The following CNTN6 variants were observed in gnomAD, a reference collection of about 807,000 sequenced individuals.
The protein encoded by CNTN6 is contactin-6.
A neutral mutation model predicts 122.8 loss-of-function variants in CNTN6; 137 were observed. That is an observed-to-expected ratio of 1.12 (90% CI 0.97 to 1.29). The LOEUF is 1.29. CNTN6 is among the 50% of genes most tolerant of loss of function. CNTN6 has a pLI of 0.00. For synonymous variants in CNTN6, 570 were observed against 426.0 expected (o/e 1.34, Z -4.16); for missense variants, 1,634 against 1,223.4 (o/e 1.34, Z -5.01).
chr3:1,343,617 T>G (rs969135218), intron 11 of CNTN6, among the ~76,000 whole-genome samples: 20 of 152,160 alleles, frequency 1.3e-4, no homozygotes, highest in Admixed American at 7.9e-4. Flanking sequence ...GCATATTTAT[T>G]AAGTACCTGC....
intron 2 of CNTN6, among the ~76,000 whole-genome samples, chr3:1,159,961 C>A (rs2093085427): frequency 6.6e-6 from 1 of 151,940 alleles, no homozygotes; most frequent in South Asian, 2.1e-4. Flanking sequence ...GATGGGATTA[C>A]AGGCATGCGC....
chr3:1,321,985 A>G (rs1435527117), intron 8 of CNTN6, 151 bp downstream of exon 8: 1 of 628,694 alleles, frequency 1.6e-6, no homozygotes, highest in African/African-American at 1.9e-5. Flanking sequence ...AATGATTAGC[A>G]GATGGGAATG....
intron 17 of CNTN6, 122 bp from the exon 18 acceptor site, chr3:1,382,820 T>A: frequency 1.4e-6 from 1 of 694,882 alleles, no homozygotes; most frequent in Non-Finnish European, 2.4e-6. Flanking sequence ...TAATACATCA[T>A]TAAACAGAAT....
chr3:1,155,503 CTA>C (rs2092942798), intron 2 of CNTN6, among the ~76,000 whole-genome samples: 1 of 151,812 alleles, frequency 6.6e-6, no homozygotes, highest in East Asian at 1.9e-4. Flanking sequence ...TTTTTAAAAA[CTA>C]TGCTGTATAC....
At chr3:1,179,758 T>G (rs77546110) in intron 2 of CNTN6, among the ~76,000 whole-genome samples, 2,154 of 152,240 alleles carry the variant, frequency 0.014, 20 homozygotes, top group Non-Finnish European at 0.019. Context: ...AGTCATTTTT[T>G]TGTGTGTGCA....
At chr3:1,398,547 C>G (rs1204687083) in intron 20 of CNTN6, among the ~76,000 whole-genome samples, 2 of 152,048 alleles carry the variant, frequency 1.3e-5, no homozygotes, top group Non-Finnish European at 2.9e-5. Context: ...AGCAACAAAC[C>G]ACTTCGAACA....
intron 1 of CNTN6, among the ~76,000 whole-genome samples, chr3:1,115,267 T>C (rs973933979): frequency 2.6e-5 from 4 of 152,116 alleles, no homozygotes; most frequent in Admixed American, 1.3e-4. Context: ...CAAGCCACAA[T>C]GATGAGCACA....
chr3:1,248,584 C>A (rs1243509939), intron 4 of CNTN6, among the ~76,000 whole-genome samples: 1 of 151,996 alleles, frequency 6.6e-6, no homozygotes, highest in African/African-American at 2.4e-5. Context: ...CTTTAGGAGG[C>A]CAAGGTGGGT....
At chr3:1,403,218 TAGAAG>T (rs999776995) in intron 22 of CNTN6, 95 bp from the exon 23 acceptor site, 34 of 670,652 alleles carry the variant, frequency 5.1e-5, no homozygotes, top group African/African-American at 2.0e-4. Flanking sequence ...AATATGTTAC[TAGAAG>T]AGAAATGATA....
chr3:1,127,817 T>C lies in CNTN6; in HGVS notation c.-82-20110T>C, dbSNP rs539708712. ...GCCTTTCATTCGGCCAAAGCAACAA[T>C]TGATGTGGTATTTTCTAATATCTGA... On this transcript the variant is annotated intron_variant, in intron 1 of 22. Transcript: ENST00000446702. Among the ~76,000 whole-genome samples the C allele has an allele frequency of 4.6e-5, 7 of 152,040 alleles. No individual in the cohort carries two copies. The South Asian group carries it at 1.4e-3, about 31-fold the overall frequency.
At chr3:1,186,845 A>C (rs1402295324) in intron 2 of CNTN6, among the ~76,000 whole-genome samples, 2 of 149,256 alleles carry the variant, frequency 1.3e-5, no homozygotes, top group Non-Finnish European at 3.0e-5. Context: ...GGTTAAAAGA[A>C]AAAAAAAAAG....
At chr3:1,132,992 A>G (rs534019135) in intron 1 of CNTN6, among the ~76,000 whole-genome samples, 1 of 152,300 alleles carries the variant, frequency 6.6e-6, no homozygotes, top group East Asian at 1.9e-4. Flanking sequence ...ACTCATAAGT[A>G]GCAACCAATC....
chr3:1,395,877 G>A (rs1431102901), intron 20 of CNTN6, among the ~76,000 whole-genome samples: 3 of 152,102 alleles, frequency 2.0e-5, no homozygotes, highest in Non-Finnish European at 1.5e-5. Context: ...CTAGATAGGA[G>A]GACACAAATG....
chr3:1,279,395 G>A (rs1423223941), intron 5 of CNTN6, among the ~76,000 whole-genome samples: 3 of 152,166 alleles, frequency 2.0e-5, no homozygotes, highest in Non-Finnish European at 4.4e-5. Context: ...ATTATAGAAA[G>A]CTTAATAACA....
chr3:1,383,394 G>T lies in CNTN6; in HGVS notation c.2503G>T (p.Val835Leu), dbSNP rs767651640. ...TGCCTGGAATAGAAACACTGGAAGA[G>T]TGCTGGGCTATGAGGTAATCCACAT... is the stretch of plus-strand genomic sequence containing the variant. Reference protein sequence around the residue: ...AIAWNRNTGRVLGYEVLYWTD... With the variant: ...AIAWNRNTGRLLGYEVLYWTD... The change falls in exon 19 of 23, where the codon GTG (valine) becomes TTG (leucine). Residue 835 changes from valine to leucine, a missense_variant. Val to Leu is a conservative substitution (Grantham distance 32). Transcript: ENST00000446702. The T allele has an allele frequency of 5.6e-6, 9 of 1,613,530 alleles. No homozygotes were observed. The highest frequency in any genetic ancestry group is 1.1e-5 in the South Asian group (1 of 91,070).
chr3:1,183,474 C>G (rs1449623265), intron 2 of CNTN6, among the ~76,000 whole-genome samples: 1 of 151,174 alleles, frequency 6.6e-6, no homozygotes, highest in African/African-American at 2.4e-5. Context: ...TAGTTAAGTA[C>G]CAAAGTATTT....
At chr3:1,327,718 T>A in intron 10 of CNTN6, 132 bp downstream of exon 10, 1 of 969,616 alleles carries the variant, frequency 1.0e-6, no homozygotes, top group Non-Finnish European at 1.5e-6. Flanking sequence ...ATGTCTAAAT[T>A]AACTTTTTAC....
At chr3:1,116,941 G>A (rs2091746300) in intron 1 of CNTN6, among the ~76,000 whole-genome samples, 1 of 152,056 alleles carries the variant, frequency 6.6e-6, no homozygotes, top group Non-Finnish European at 1.5e-5. Context: ...CTGACCTCAA[G>A]TGATCCACCT....
intron 20 of CNTN6, among the ~76,000 whole-genome samples, chr3:1,390,267 C>G (rs531080268): frequency 6.6e-6 from 1 of 151,934 alleles, no homozygotes; most frequent in East Asian, 1.9e-4. Flanking sequence ...CACTCAAAAC[C>G]GCTCAACTAC....
Sources: gnomAD v4.1 joint callset for allele counts (sites outside exome capture counted in the v4.1 genomes callset) on GRCh38, gnomAD v4.1.1 for gene constraint, MANE v1.5 for transcripts, NCBI Gene and HGNC (gene_info 2026-07-23, HGNC 2026-07-21) for gene names.